The following CHD5 variants were observed in gnomAD, a reference collection of about 807,000 sequenced individuals.
The protein encoded by CHD5 is chromodomain helicase DNA binding protein 5.
In CHD5, 69 loss-of-function variants were observed where a neutral mutation model predicts 230.3. The ratio of observed to expected loss-of-function variants is 0.30; its 90% CI spans 0.25 to 0.37. The LOEUF (loss-of-function observed/expected upper bound fraction) is 0.37, where lower values mean the gene tolerates loss of function less well. Ranked by LOEUF, CHD5 falls within the 10% of genes least tolerant of loss-of-function variation. The probability of loss-of-function intolerance (pLI) is 1.00; values close to 1 mark genes in which losing one functional copy is unlikely to be tolerated. For missense variants in CHD5, 1,827 were observed against 2,622.8 expected, an observed-to-expected ratio of 0.70 and a Z score of 6.63; for synonymous variants, 1,064 against 1,065.9, an observed-to-expected ratio of 1.00 and a Z score of 0.03.
At chr1:6,175,711 C>T (rs11485217) in intron 1 of CHD5, among the ~76,000 whole-genome samples, 28,942 of 143,672 alleles carry the variant, frequency 0.2, 5,976 homozygotes, top group African/African-American at 0.56. Context: ...GATGGATGGA[C>T]GGACGGACGG....
intron 9 of CHD5, among the ~76,000 whole-genome samples, chr1:6,147,388 G>A (rs560955629): frequency 6.6e-6 from 1 of 152,338 alleles, no homozygotes; most frequent in African/African-American, 2.4e-5. Flanking sequence ...GCTGCACCCA[G>A]GCACCGTGCG....
chr1:6,130,123 G>A lies in CHD5; in HGVS notation c.3387+81C>T. On this transcript the variant is annotated intron_variant, in intron 22 of 41. Coordinates refer to ENST00000262450, the MANE Select transcript of CHD5 (RefSeq NM_015557.3). The surrounding 1 kb of genome is among the most constrained non-coding windows in gnomAD (Gnocchi z 4.9). The stretch of plus-strand genomic sequence containing the variant: ...AGGATAGGTGAGGGGGTGATGGCAA[G>A]AAGGGCATGAAGGACAGAACCTGCC... The A allele has an allele frequency of 6.6e-7, 1 of 1,522,220 alleles. No homozygotes were observed. Among genetic ancestry groups the A allele is most frequent in the Non-Finnish European group, 9.0e-7 (1 of 1,106,656 alleles). The allele number at this position is 1,522,220 out of a possible 1,614,324, so 94.3% of individuals were successfully genotyped here.
chr1:6,143,983 C>T, intron 12 of CHD5, 41 bp downstream of exon 12: 1 of 1,614,062 alleles, frequency 6.2e-7, no homozygotes, highest in Non-Finnish European at 8.5e-7. Flanking sequence ...AGGAGCAGGT[C>T]CCGGCAGCCT....
At chr1:6,157,378 C>T (rs1412291215) in intron 3 of CHD5, among the ~76,000 whole-genome samples, 2 of 152,252 alleles carry the variant, frequency 1.3e-5, no homozygotes, top group African/African-American at 4.8e-5. Context: ...ATGAGGGTGC[C>T]TGGCCTGAGC....
At position 6,125,061 on chromosome 1, in the gene CHD5, C is replaced by A. The variant is rs1312347600; in HGVS notation, c.4394+39G>T. 6.6e-7 allele frequency: 1 copy of A among 1,515,078 alleles called. No homozygotes were observed. Among genetic ancestry groups the A allele is most frequent in the South Asian group, 1.3e-5 (1 of 79,090 alleles). The allele number at this position is 1,515,078 out of a possible 1,614,324, so 93.9% of individuals were successfully genotyped here. A position where few individuals can be genotyped will look rare whatever the true frequency, so the allele number is the denominator to read the frequency against. The stretch of plus-strand genomic sequence containing the variant: ...CGCAGGACCCTGCCCTACTCAGGGG[C>A]AGGTGGTCACACCCTGGGCCACCAC... On this transcript the variant is annotated intron_variant, in intron 29 of 41. Coordinates refer to ENST00000262450, the MANE Select transcript of CHD5 (RefSeq NM_015557.3). The surrounding 1 kb of genome is among the most constrained non-coding windows in gnomAD (Gnocchi z 6.7).
chr1:6,124,402 G>A lies in CHD5; in HGVS notation c.4539+115C>T, dbSNP rs1571145674. Reference sequence around the variant, plus strand: ...GTCCCTCTGGAGTGACTCGGACCCTGGGCAGCTGTGTGGCCTGAACCAGGC... The same window carrying A: ...GTCCCTCTGGAGTGACTCGGACCCTAGGCAGCTGTGTGGCCTGAACCAGGC... On this transcript the variant is annotated intron_variant, in intron 30 of 41. Transcript: ENST00000262450. The A allele has an allele frequency of 2.4e-6, 3 of 1,229,746 alleles. No individual in the cohort carries two copies. In the East Asian group the frequency reaches 7.1e-5, roughly 29 times the overall value. 76.2% of individuals were successfully genotyped at this position (1,229,746 alleles called of 1,614,324 possible).
At position 6,125,612 on chromosome 1, in the gene CHD5, C is replaced by T. The variant is rs1363527047; in HGVS notation, c.4172G>A (p.Ser1391Asn). 1 of 1,611,622 alleles carries T rather than the reference C, an allele frequency of 6.2e-7. No homozygotes were observed. The highest frequency in any genetic ancestry group is 1.1e-5 in the South Asian group (1 of 90,846). ...EDFEERPEGQ[S>N]GRRQSRRQLK... The stretch of plus-strand genomic sequence containing the variant: ...CTGCCTCCGGGATTGTCGTCGTCCA[C>T]CTGGGGAGCAGCCCGCCACAGTTCC... Residue 1391 changes from serine (S) to asparagine (N), a missense_variant and splice_region_variant, in exon 28 of 42, where the codon AGT (serine) becomes AAT (asparagine). Coordinates refer to ENST00000262450, the MANE Select transcript of CHD5 (RefSeq NM_015557.3). This position sits in a 1 kb window ranked among gnomAD's most constrained non-coding sequence, Gnocchi z 6.7.
At chr1:6,127,508 T>C (rs937977705) in intron 25 of CHD5, among the ~76,000 whole-genome samples, 10 of 146,568 alleles carry the variant, frequency 6.8e-5, no homozygotes, top group African/African-American at 2.5e-4. Flanking sequence ...AAAAGAAAAT[T>C]GTGGGCCGTC....
Position 6,128,391 on chromosome 1 carries a change from C to A in CHD5, c.3730+108G>T. ...TGTAACAGCCCCACTCGCCGCCCACCTGGCAGTCCCAGGACGCCCAAGTGA... is the reference window on the plus strand; with the variant it reads ...TGTAACAGCCCCACTCGCCGCCCACATGGCAGTCCCAGGACGCCCAAGTGA... On this transcript the variant is annotated intron_variant, in intron 24 of 41. Coordinates refer to ENST00000262450, the MANE Select transcript of CHD5 (RefSeq NM_015557.3). This position sits in a 1 kb window ranked among gnomAD's most constrained non-coding sequence, Gnocchi z 7.8. The A allele has an allele frequency of 8.8e-7, 1 of 1,135,562 alleles. No individual in the cohort carries two copies. The highest frequency in any genetic ancestry group is 1.3e-6 in the Non-Finnish European group (1 of 775,912). The allele number at this position is 1,135,562 out of a possible 1,614,324, so 70.3% of individuals were successfully genotyped here.
chr1:6,113,254 C>G, intron 33 of CHD5: 5 of 470,724 alleles, frequency 1.1e-5, no homozygotes, highest in South Asian at 1.0e-4. Context: ...GAAATCTCAT[C>G]TCTACAAAAA....
chr1:6,161,666 G>A (rs748196024), intron 2 of CHD5, among the ~76,000 whole-genome samples: 2 of 152,232 alleles, frequency 1.3e-5, no homozygotes, highest in African/African-American at 2.4e-5. Context: ...CTTTGGGGAG[G>A]TGGAGATGAG....
At chr1:6,169,525 C>A (rs534755437) in intron 1 of CHD5, among the ~76,000 whole-genome samples, 2 of 152,220 alleles carry the variant, frequency 1.3e-5, no homozygotes, top group Admixed American at 1.3e-4. Flanking sequence ...CCTGCTGGGA[C>A]GGCAGTAGCC....
rs929943355 is a variant in CHD5, at chr1:6,121,046, C to A, written c.4912+59G>T. 11 of 1,504,000 alleles carry A rather than the reference C, an allele frequency of 7.3e-6. No homozygotes were observed. The highest frequency in any genetic ancestry group is 1.4e-5 in the African/African-American group (1 of 71,532). 93.2% of individuals were successfully genotyped at this position (1,504,000 alleles called of 1,614,324 possible). A position where few individuals can be genotyped will look rare whatever the true frequency, so the allele number is the denominator to read the frequency against. ...GTACAGCCACCTGCCCTTCTCTGAA[C>A]CCAGGCCTGCTGAGGCCAGACATGG... On this transcript the variant is annotated intron_variant, in intron 33 of 41. Transcript: ENST00000262450. This position sits in a 1 kb window ranked among gnomAD's most constrained non-coding sequence, Gnocchi z 4.5.
chr1:6,114,316 T>A (rs1666341435), intron 33 of CHD5, among the ~76,000 whole-genome samples: 1 of 150,034 alleles, frequency 6.7e-6, no homozygotes, highest in African/African-American at 2.5e-5. Context: ...AAAACAATGA[T>A]CCCCCACCAG....
In CHD5 at chr1:6,179,989, G is replaced by A; in HGVS notation, c.35C>T (p.Pro12Leu). The A allele has an allele frequency of 7.2e-7, 1 of 1,386,982 alleles. No individual in the cohort carries two copies. Among genetic ancestry groups the A allele is most frequent in the Non-Finnish European group, 9.4e-7 (1 of 1,058,362 alleles). The allele number at this position is 1,386,982 out of a possible 1,614,324, so 85.9% of individuals were successfully genotyped here. ...RGPVGTEEEL[P>L]RLFAEEMENE... ...CTCCATCTCCTCGGCGAACAGCCGC[G>A]GCAGCTCCTCCTCGGTGCCCACTGG... Residue 12 changes from proline (P) to leucine (L), a missense_variant, in exon 1 of 42, where the codon CCG becomes CTG. Coordinates refer to ENST00000262450, the MANE Select transcript of CHD5 (RefSeq NM_015557.3).
At chr1:6,177,941 G>A (rs541932666) in intron 1 of CHD5, among the ~76,000 whole-genome samples, 37 of 152,286 alleles carry the variant, frequency 2.4e-4, no homozygotes, top group Non-Finnish European at 7.3e-5. Context: ...GGGTTCACGA[G>A]GTGACCCCAG....
At chr1:6,152,025 T>G (rs1323616496) in intron 6 of CHD5, among the ~76,000 whole-genome samples, 3 of 148,242 alleles carry the variant, frequency 2.0e-5, no homozygotes, top group African/African-American at 7.5e-5. Flanking sequence ...ACCCAACTAC[T>G]CCCCCCGAGA....
rs779528061 is a variant in CHD5, at chr1:6,123,977, T to C, written c.4670A>G (p.His1557Arg). ...CAGGCCCAGCGGGGCTGGCAGGAGG[T>C]GGGCAGGGCTGGCGGGCACTGGTGT... ...PNTPVPASPAHLLPAPLGLPD... is the reference protein window; with the variant it reads ...PNTPVPASPARLLPAPLGLPD... The change falls in exon 31 of 42, where the codon CAC becomes CGC. Residue 1557 changes from histidine to arginine, a missense_variant. Around this residue, in one of 14 missense-constraint regions of CHD5, gnomAD observed 272 missense variants for 263.2 expected, o/e 1.03. Coordinates refer to ENST00000262450, the MANE Select transcript of CHD5 (RefSeq NM_015557.3). The C allele has an allele frequency of 3.2e-6, 5 of 1,585,324 alleles. No homozygotes were observed. The highest frequency in any genetic ancestry group is 1.7e-6 in the Non-Finnish European group (2 of 1,169,424).
At position 6,154,686 on chromosome 1, in the gene CHD5, C is replaced by T. The variant is rs149780291; in HGVS notation, c.719G>A (p.Arg240His). 6.3e-6 allele frequency: 10 copies of T among 1,583,362 alleles called. No homozygotes were observed. Among genetic ancestry groups the T allele is most frequent in the South Asian group, 1.2e-5 (1 of 86,874 alleles). Residue 240 changes from arginine (R) to histidine (H), a missense_variant, in exon 5 of 42, where the codon CGC becomes CAC. Arg to His is a conservative substitution (Grantham distance 29, BLOSUM62 0). Transcript: ENST00000262450. This position sits in a 1 kb window ranked among gnomAD's most constrained non-coding sequence, Gnocchi z 7.0. ...TTTGCCCTCCTTGGTCTTGGCCTTG[C>T]GGATAGGCACAGGCTGGGGCACCTG... ...PPQVPQPVPI[R>H]KAKTKEGKGP... is the part of the protein sequence containing the mutation.
Sources: gnomAD v4.1 joint callset for allele counts (sites outside exome capture counted in the v4.1 genomes callset) on GRCh38, gnomAD v4.1.1 for gene constraint, gnomAD v4.1.1 regional missense constraint, Gnocchi (gnomAD v3.1) non-coding constraint, MANE v1.5 for transcripts, NCBI Gene and HGNC (gene_info 2026-07-23, HGNC 2026-07-21) for gene names.